Variants in CNTNAP3B observed in about 807,000 individuals in gnomAD.
The protein encoded by CNTNAP3B is contactin associated protein family member 3B.
A neutral mutation model predicts 108.9 loss-of-function variants in CNTNAP3B; 25 were observed. The observed-to-expected ratio is 0.23, with a 90% CI of 0.17 to 0.32. The LOEUF (loss-of-function observed/expected upper bound fraction) is 0.32, where lower values mean the gene tolerates loss of function less well. CNTNAP3B is among the 10% of genes least tolerant of loss of function. The pLI, the probability that CNTNAP3B is intolerant of heterozygous loss-of-function variation, is 1.00. For missense variants in CNTNAP3B, 252 were observed against 1,210.4 expected (o/e 0.21, Z 11.75); for synonymous variants, 103 against 473.4 (o/e 0.22, Z 10.16).
intron 8 of CNTNAP3B, among the ~76,000 whole-genome samples, chr9:41,991,232 G>A (rs1469809654): frequency 2.2e-5 from 2 of 91,166 alleles, no homozygotes; most frequent in African/African-American, 8.5e-5. Context: ...GACCCTGAGC[G>A]GCAGGGCGGA....
chr9:42,024,761 T>G (rs1826387094), intron 3 of CNTNAP3B, among the ~76,000 whole-genome samples: 1 of 144,130 alleles, frequency 6.9e-6, no homozygotes, highest in East Asian at 2.1e-4. Flanking sequence ...ACTCAAAGGT[T>G]TCCTCATTAT....
At chr9:42,117,296 G>A (rs1415590580) in intron 1 of CNTNAP3B, among the ~76,000 whole-genome samples, 19 of 132,274 alleles carry the variant, frequency 1.4e-4, no homozygotes, top group East Asian at 2.2e-4. Context: ...CTCGGCAAAC[G>A]TAAAAGAACA....
rs181243200 is a variant in CNTNAP3B at position 42,095,729 on chromosome 9, G to C, written c.196+8900C>G. Among the ~76,000 whole-genome samples, 331 of 138,792 alleles carry C rather than the reference G, an allele frequency of 2.4e-3. 74 individuals carry two copies. The highest frequency in any genetic ancestry group is 9.1e-3 in the African/African-American group (318 of 34,840). 91.1% of individuals were successfully genotyped at this position (138,792 alleles called of 152,430 possible). A position where few individuals can be genotyped will look rare whatever the true frequency, so the allele number is the denominator to read the frequency against. On this transcript the variant is annotated intron_variant, in intron 2 of 23. Transcript: ENST00000377561. The stretch of plus-strand genomic sequence containing the variant: ...GTGTCTCCGTCCAGTTAAGGGATAA[G>C]CCTGTCAGTTCGTGTCTGTATTGGT...
chr9:41,968,941 C>G (rs1300905611), intron 10 of CNTNAP3B, among the ~76,000 whole-genome samples: 1 of 152,184 alleles, frequency 6.6e-6, no homozygotes, highest in Admixed American at 6.5e-5. Flanking sequence ...GAACTACAGG[C>G]GCCCGCCACC....
intron 12 of CNTNAP3B, among the ~76,000 whole-genome samples, chr9:41,954,941 C>G (rs1824809733): frequency 6.6e-6 from 1 of 152,024 alleles, no homozygotes; most frequent in South Asian, 2.1e-4. Context: ...CCGCCTTGGC[C>G]TCCCAAAGTG....
chr9:41,959,793 C>T (rs1356666020), intron 12 of CNTNAP3B, among the ~76,000 whole-genome samples: 2 of 152,308 alleles, frequency 1.3e-5, no homozygotes, highest in Non-Finnish European at 2.9e-5. Context: ...TTGATGCTTG[C>T]TGACCCATTT....
intron 11 of CNTNAP3B, among the ~76,000 whole-genome samples, chr9:41,963,852 A>G (rs1170511974): frequency 1.3e-5 from 2 of 152,308 alleles, no homozygotes; most frequent in African/African-American, 4.8e-5. Context: ...AGATAATAAG[A>G]GTACTTTCTT....
chr9:41,981,881 G>A (rs372261185), intron 9 of CNTNAP3B, among the ~76,000 whole-genome samples: 2 of 41,610 alleles, frequency 4.8e-5, no homozygotes, highest in East Asian at 1.9e-3. Context: ...ACGAGACCTC[G>A]TCTCTACAAA....
At chr9:42,093,973 G>A (rs1470788185) in intron 2 of CNTNAP3B, among the ~76,000 whole-genome samples, 2 of 125,130 alleles carry the variant, frequency 1.6e-5, no homozygotes, top group Admixed American at 1.7e-4. Flanking sequence ...TTCATGATAG[G>A]TACTTTACTA....
At chr9:41,939,937 A>G (rs1392046652) in intron 13 of CNTNAP3B, among the ~76,000 whole-genome samples, 1 of 152,056 alleles carries the variant, frequency 6.6e-6, no homozygotes, top group African/African-American at 2.4e-5. Flanking sequence ...AGAAAGAGGA[A>G]GCTTAGGACC....
rs1277761476 is a variant in CNTNAP3B, at chr9:42,106,351, G to A, written c.86-1612C>T. On this transcript the variant is annotated intron_variant, in intron 1 of 23. Coordinates refer to ENST00000377561, the MANE Select transcript of CNTNAP3B (RefSeq NM_001201380.3). ...AAGTGACAATGTCACATTTATACAG[G>A]TGAGTCAGACACTGGAATTTGTGAT... Among the ~76,000 whole-genome samples, 4 of 80,308 alleles carry A rather than the reference G, an allele frequency of 5.0e-5. 1 individual carries two copies. The highest frequency in any genetic ancestry group is 2.0e-4 in the African/African-American group (4 of 20,486). The allele number at this position is 80,308 out of a possible 152,430, so 52.7% of individuals were successfully genotyped here. A position where few individuals can be genotyped will look rare whatever the true frequency, so the allele number is the denominator to read the frequency against.
chr9:41,939,453 T>A (rs1369208786), intron 13 of CNTNAP3B, among the ~76,000 whole-genome samples: 1 of 152,260 alleles, frequency 6.6e-6, no homozygotes, highest in African/African-American at 2.4e-5. Context: ...ATAAGATCTC[T>A]GCATTCATTA....
chr9:42,063,674 T>C (rs1827213528), intron 3 of CNTNAP3B, among the ~76,000 whole-genome samples: 1 of 136,798 alleles, frequency 7.3e-6, no homozygotes, highest in African/African-American at 2.9e-5. Flanking sequence ...TCTTCCTTTC[T>C]TCTTTGCTCC....
intron 3 of CNTNAP3B, among the ~76,000 whole-genome samples, chr9:42,059,883 C>A (rs897962112): frequency 1.5e-5 from 2 of 134,370 alleles, no homozygotes; most frequent in African/African-American, 5.9e-5. Flanking sequence ...AGCCATCATG[C>A]CTGGCCTGAA....
intron 15 of CNTNAP3B, among the ~76,000 whole-genome samples, chr9:41,928,175 C>T (rs1356145465): frequency 6.6e-6 from 1 of 152,246 alleles, no homozygotes; most frequent in Non-Finnish European, 1.5e-5. Context: ...ATTTAGCTTG[C>T]CACAGATTAA....
At chr9:41,934,098 T>TAC (rs1824065869) in intron 14 of CNTNAP3B, among the ~76,000 whole-genome samples, 2 of 133,870 alleles carry the variant, frequency 1.5e-5, no homozygotes, top group African/African-American at 2.9e-5. Flanking sequence ...GCATATTTGT[T>TAC]ACATATATAT....
chr9:41,970,997 A>T (rs1488180645), intron 9 of CNTNAP3B, among the ~76,000 whole-genome samples: 2 of 151,370 alleles, frequency 1.3e-5, no homozygotes, highest in Non-Finnish European at 2.9e-5. Flanking sequence ...TAAAATAGAC[A>T]TTTGATTATT....
intron 1 of CNTNAP3B, among the ~76,000 whole-genome samples, chr9:42,122,572 T>C (rs1828486817): frequency 1.5e-5 from 2 of 133,672 alleles, no homozygotes; most frequent in East Asian, 2.3e-4. Flanking sequence ...TATATATTTA[T>C]TTTCCCATTT....
chr9:41,938,721 T>C lies in CNTNAP3B; in HGVS notation c.2081-321A>G, dbSNP rs1452645902. On this transcript the variant is annotated intron_variant, in intron 13 of 23. Coordinates refer to ENST00000377561, the MANE Select transcript of CNTNAP3B (RefSeq NM_001201380.3). ...TTCACCATTAAAATTAATACCAGGG[T>C]AATTTGCACACTAAAGATAAAATCT... Among the ~76,000 whole-genome samples, 4 of 152,254 alleles carry C rather than the reference T, an allele frequency of 2.6e-5. No individual in the cohort carries two copies. The East Asian group carries it at 7.7e-4, about 29-fold the overall frequency.
Sources: allele counts gnomAD v4.1 joint callset (sites outside exome capture counted in the v4.1 genomes callset), GRCh38; gene constraint gnomAD v4.1.1; transcripts MANE v1.5; gene names NCBI Gene and HGNC (gene_info 2026-07-23, HGNC 2026-07-21).